The following PTGFRN variants were observed in gnomAD, a reference collection of about 807,000 sequenced individuals.
PTGFRN encodes the protein prostaglandin F2 receptor negative regulator.
A neutral mutation model predicts 83.2 loss-of-function variants in PTGFRN; 35 were observed. The ratio of observed to expected loss-of-function variants is 0.42; its 90% CI spans 0.32 to 0.56. The LOEUF (loss-of-function observed/expected upper bound fraction) is 0.56. PTGFRN is among the 20% of genes least tolerant of loss of function. PTGFRN has a pLI of 0.11. For missense variants in PTGFRN, 1,051 were observed against 1,179.5 expected (o/e 0.89, Z 1.60); for synonymous variants, 519 against 498.6 (o/e 1.04, Z -0.55).
In PTGFRN at chr1:116,990,186, G is replaced by C. The variant is rs1270153764; in HGVS notation, c.*3219G>C. ...GAAAACGCTGACTTTCTTTTTAAGT[G>C]TGGCACATAAGGATCTGCAGAATTT... On this transcript the variant is annotated 3_prime_UTR_variant, in exon 9 of 9. Coordinates refer to ENST00000393203, the MANE Select transcript of PTGFRN (RefSeq NM_020440.4). The C allele has an allele frequency of 6.6e-6, 1 of 152,660 alleles. No homozygotes were observed. Among genetic ancestry groups the C allele is most frequent in the African/African-American group, 2.4e-5 (1 of 41,454 alleles). The allele number at this position is 152,660 out of a possible 1,614,324, so 9.5% of individuals were successfully genotyped here. A position where few individuals can be genotyped will look rare whatever the true frequency, so the allele number is the denominator to read the frequency against.
chr1:116,938,663 C>T (rs1306480699), intron 1 of PTGFRN, among the ~76,000 whole-genome samples: 1 of 152,160 alleles, frequency 6.6e-6, no homozygotes, highest in Admixed American at 6.5e-5. Flanking sequence ...TCCCAAATCT[C>T]ATGTCCTCAC....
At chr1:116,977,369 G>GCA in intron 7 of PTGFRN, among the ~76,000 whole-genome samples, 1 of 152,238 alleles carries the variant, frequency 6.6e-6, no homozygotes, top group East Asian at 1.9e-4. Flanking sequence ...GCACCAAGTG[G>GCA]ACCTAATAGA....
intron 7 of PTGFRN, among the ~76,000 whole-genome samples, chr1:116,974,740 G>A (rs546572673): frequency 6.6e-6 from 1 of 152,274 alleles, no homozygotes; most frequent in Admixed American, 6.5e-5. Context: ...CCAAAGTCAG[G>A]GGGCAGTTCC....
chr1:116,935,551 A>G (rs2101059839), intron 1 of PTGFRN, among the ~76,000 whole-genome samples: 2 of 152,320 alleles, frequency 1.3e-5, no homozygotes, highest in South Asian at 4.1e-4. Context: ...GCAAAAATCT[A>G]AAAGTAGAAA....
Position 116,961,591 on chromosome 1 carries a change from C to T in PTGFRN, c.1562C>T (p.Thr521Ile), listed in dbSNP as rs752012738. 6.2e-7 allele frequency: 1 copy of T among 1,614,102 alleles called. No individual in the cohort carries two copies. The highest frequency in any genetic ancestry group is 2.2e-5 in the East Asian group (1 of 44,894). Residue 521 changes from threonine (T) to isoleucine (I), a missense_variant, in exon 5 of 9, where the codon ACC (threonine) becomes ATC (isoleucine). Around this residue, in one of 3 missense-constraint regions of PTGFRN, gnomAD observed 719 missense variants for 836.6 expected, o/e 0.86. Transcript: ENST00000393203. The surrounding 1 kb of genome is among the most constrained non-coding windows in gnomAD (Gnocchi z 5.4). Reference protein sequence around the residue: ...GNYYCVVSAWTKQRNNSWVKS... With the variant: ...GNYYCVVSAWIKQRNNSWVKS... ...TATTACTGTGTTGTGTCTGCCTGGACCAAACAGCGGAACAACAGCTGGGTG... is the reference window on the plus strand; with the variant it reads ...TATTACTGTGTTGTGTCTGCCTGGATCAAACAGCGGAACAACAGCTGGGTG...
In PTGFRN at chr1:116,961,637, C is replaced by T. The variant is rs772114731; in HGVS notation, c.1608C>T (p.Ser536=). The T allele has an allele frequency of 6.2e-7, 1 of 1,612,586 alleles. No individual in the cohort carries two copies. Among genetic ancestry groups the T allele is most frequent in the Non-Finnish European group, 8.5e-7 (1 of 1,179,114 alleles). ...GGGTGAAAAGCAAGGATGTCTTCTC[C>T]AAGCCTGTTAACATATTTTGGGCAT... ...NSWVKSKDVF[S]KPVNIFWALE... The change falls in exon 5 of 9, where the codon TCC becomes TCT. Residue 536 remains serine (S), a synonymous_variant. Transcript: ENST00000393203. The surrounding 1 kb of genome is among the most constrained non-coding windows in gnomAD (Gnocchi z 5.4).
intron 4 of PTGFRN, among the ~76,000 whole-genome samples, chr1:116,959,187 T>C (rs1650577844): frequency 6.6e-6 from 1 of 152,210 alleles, no homozygotes; most frequent in Non-Finnish European, 1.5e-5. Context: ...TAGGGTGATG[T>C]GTGGTGTGGT....
intron 7 of PTGFRN, among the ~76,000 whole-genome samples, chr1:116,978,682 C>CT (rs1651227503): frequency 6.6e-6 from 1 of 152,130 alleles, no homozygotes; most frequent in East Asian, 1.9e-4. Flanking sequence ...GTCCTTCATG[C>CT]TAAAAACTCT....
chr1:116,949,198 G>A lies in PTGFRN; in HGVS notation c.839G>A (p.Arg280Gln), dbSNP rs776337945. ...ATVVIQPSVL[R>Q]AAVPKNVSVA... ...TTTGTTTTTAATTTTCAAGTTCTGC[G>A]AGCAGCTGTGCCCAAGAATGTGTCT... Residue 280 changes from arginine (R) to glutamine (Q), a missense_variant, in exon 4 of 9, where the codon CGA becomes CAA. Coordinates refer to ENST00000393203, the MANE Select transcript of PTGFRN (RefSeq NM_020440.4). The A allele has an allele frequency of 5.7e-6, 9 of 1,578,116 alleles. No homozygotes were observed. Among genetic ancestry groups the A allele is most frequent in the South Asian group, 2.3e-5 (2 of 86,428 alleles).
Position 116,952,807 on chromosome 1 carries a change from T to G in PTGFRN, c.1213+3235T>G, listed in dbSNP as rs1650384874. ...CTGTTCTTTTACAAAAGGCCCTAAA[T>G]GATGGTTTAAATGGATGTTTCTTAT... On this transcript the variant is annotated intron_variant, in intron 4 of 8. Transcript: ENST00000393203. The surrounding 1 kb of genome is among the most constrained non-coding windows in gnomAD (Gnocchi z 4.0). 6.6e-6 allele frequency among the ~76,000 whole-genome samples: 1 copy of G among 152,232 alleles called. No individual in the cohort carries two copies. Among genetic ancestry groups the G allele is most frequent in the South Asian group, 2.1e-4 (1 of 4,826 alleles).
chr1:116,920,148 G>T (rs976156687), intron 1 of PTGFRN, among the ~76,000 whole-genome samples: 4 of 152,210 alleles, frequency 2.6e-5, no homozygotes, highest in Middle Eastern at 3.2e-3. Context: ...GCCTCTGAGG[G>T]CTCTGGAAAT....
At chr1:116,964,665 A>G (rs934006470) in intron 5 of PTGFRN, among the ~76,000 whole-genome samples, 1 of 152,118 alleles carries the variant, frequency 6.6e-6, no homozygotes, top group Admixed American at 6.5e-5. Flanking sequence ...TCCAGACTCA[A>G]TATTACATTG....
At chr1:116,976,489 C>T in intron 7 of PTGFRN, among the ~76,000 whole-genome samples, 1 of 152,174 alleles carries the variant, frequency 6.6e-6, no homozygotes, top group African/African-American at 2.4e-5. Context: ...TTGGGTTACC[C>T]ACAAAGGGAA....
At chr1:116,950,162 A>C (rs919180553) in intron 4 of PTGFRN, among the ~76,000 whole-genome samples, 1 of 152,180 alleles carries the variant, frequency 6.6e-6, no homozygotes, top group African/African-American at 2.4e-5. Context: ...AGTGTTGAGC[A>C]CCTTGCCACC....
chr1:116,979,967 A>G (rs1651264836), intron 7 of PTGFRN, among the ~76,000 whole-genome samples: 1 of 152,232 alleles, frequency 6.6e-6, no homozygotes, highest in Non-Finnish European at 1.5e-5. Flanking sequence ...TTTGCAGTCT[A>G]CTCATCTGAC....
chr1:116,941,860 C>T lies in PTGFRN; in HGVS notation c.195C>T (p.Ser65=), dbSNP rs765744080. 1 of 1,614,166 alleles carries T rather than the reference C, an allele frequency of 6.2e-7. No individual in the cohort carries two copies. The highest frequency in any genetic ancestry group is 1.7e-5 in the Admixed American group (1 of 60,024). The change falls in exon 2 of 9, where the codon AGC becomes AGT. Residue 65 remains serine, a synonymous_variant. Coordinates refer to ENST00000393203, the MANE Select transcript of PTGFRN (RefSeq NM_020440.4). This position sits in a 1 kb window ranked among gnomAD's most constrained non-coding sequence, Gnocchi z 5.0. ...ACTGGAGCTTCTCATCTTTGGGGAGCAGCTTTGTGGAGCTTGCAAGCACCT... is the reference window on the plus strand; with the variant it reads ...ACTGGAGCTTCTCATCTTTGGGGAGTAGCTTTGTGGAGCTTGCAAGCACCT... ...NFDWSFSSLG[S]SFVELASTWE... is the part of the protein sequence containing the mutation.
intron 1 of PTGFRN, among the ~76,000 whole-genome samples, chr1:116,931,378 T>C (rs922258271): frequency 6.6e-6 from 1 of 152,150 alleles, no homozygotes. Context: ...CTGACTAACC[T>C]TTCACTCTCA....
intron 1 of PTGFRN, 39 bp downstream of exon 1, chr1:116,910,291 G>A: frequency 7.3e-7 from 1 of 1,377,178 alleles, no homozygotes. Flanking sequence ...CACGGGGACT[G>A]GCGAGGCCCT....
chr1:116,957,514 A>G (rs891562250), intron 4 of PTGFRN, among the ~76,000 whole-genome samples: 2 of 152,104 alleles, frequency 1.3e-5, no homozygotes, highest in African/African-American at 4.8e-5. Flanking sequence ...TTAAAATTAT[A>G]TATGTTTATG....
Sources: gnomAD v4.1 joint callset for allele counts (sites outside exome capture counted in the v4.1 genomes callset) on GRCh38, gnomAD v4.1.1 for gene constraint, gnomAD v4.1.1 regional missense constraint, Gnocchi (gnomAD v3.1) non-coding constraint, MANE v1.5 for transcripts, NCBI Gene and HGNC (gene_info 2026-07-23, HGNC 2026-07-21) for gene names.